Variants in TNR observed in about 807,000 individuals in gnomAD.
TNR encodes the protein tenascin R, also known as tenascin-R.
Under a neutral mutation model 150.4 loss-of-function variants are expected in TNR, and 45 were observed. The ratio of observed to expected loss-of-function variants is 0.30; its 90% CI spans 0.24 to 0.38. TNR has a LOEUF of 0.38. TNR is among the 10% of genes least tolerant of loss of function. The probability of loss-of-function intolerance (pLI) is 1.00; values close to 1 mark genes in which losing one functional copy is unlikely to be tolerated. For synonymous variants in TNR, 687 were observed against 678.4 expected (o/e 1.01, Z -0.20); for missense variants, 1,544 against 1,759.1 (o/e 0.88, Z 2.19).
chr1:175,729,044 A>C (rs1343018692), intron 1 of TNR, among the ~76,000 whole-genome samples: 2 of 152,154 alleles, frequency 1.3e-5, no homozygotes, highest in Non-Finnish European at 2.9e-5. Flanking sequence ...GGCCTGAGAC[A>C]CATCTTGGTG....
intron 1 of TNR, among the ~76,000 whole-genome samples, chr1:175,725,972 AG>A (rs1224280133): frequency 6.6e-6 from 1 of 152,226 alleles, no homozygotes; most frequent in African/African-American, 2.4e-5. Context: ...AGGAAGCATT[AG>A]AGGTGCCAAG....
chr1:175,548,564 T>C (rs1660807075), intron 1 of TNR, among the ~76,000 whole-genome samples: 2 of 151,862 alleles, frequency 1.3e-5, no homozygotes, highest in Non-Finnish European at 2.9e-5. Context: ...CTCCCTGTAA[T>C]CTAAGACCAA....
At chr1:175,486,496 G>A (rs1658022922) in intron 2 of TNR, among the ~76,000 whole-genome samples, 1 of 152,160 alleles carries the variant, frequency 6.6e-6, no homozygotes, top group African/African-American at 2.4e-5. Context: ...TGGTGTATAT[G>A]TGCCACATTT....
At chr1:175,324,217 G>C in intron 22 of TNR, 139 bp downstream of exon 22, 4 of 993,162 alleles carry the variant, frequency 4.0e-6, no homozygotes, top group South Asian at 1.7e-5. Context: ...CCCATTGTCT[G>C]CATTATTTTT....
chr1:175,437,527 C>T (rs1655564567), intron 2 of TNR, among the ~76,000 whole-genome samples: 1 of 152,122 alleles, frequency 6.6e-6, no homozygotes, highest in African/African-American at 2.4e-5. Context: ...TAACTAAGAT[C>T]AGAGCAGAAC....
At chr1:175,653,322 A>G (rs938272248) in intron 1 of TNR, among the ~76,000 whole-genome samples, 2 of 152,242 alleles carry the variant, frequency 1.3e-5, no homozygotes, top group African/African-American at 4.8e-5. Context: ...CACAGTGAGA[A>G]GCAGTGTTTA....
At chr1:175,415,446 G>A (rs1382305487) in intron 2 of TNR, among the ~76,000 whole-genome samples, 2 of 152,226 alleles carry the variant, frequency 1.3e-5, no homozygotes, top group Non-Finnish European at 2.9e-5. Context: ...GACATGGAAT[G>A]GTGTGGGAGG....
At chr1:175,351,571 T>C (rs1285088346) in intron 18 of TNR, among the ~76,000 whole-genome samples, 1 of 152,238 alleles carries the variant, frequency 6.6e-6, no homozygotes. Context: ...GACTATTCAA[T>C]TTAACCAGTG....
chr1:175,399,794 G>T (rs1653612224), intron 4 of TNR, among the ~76,000 whole-genome samples: 1 of 152,166 alleles, frequency 6.6e-6, no homozygotes. Flanking sequence ...AGGAATCAGG[G>T]TTGCTTATCT....
chr1:175,549,979 T>C (rs1660872435), intron 1 of TNR, among the ~76,000 whole-genome samples: 1 of 152,210 alleles, frequency 6.6e-6, no homozygotes, highest in Non-Finnish European at 1.5e-5. Context: ...CTGCTATTTT[T>C]GTGATAATTT....
rs139092076 is a variant in TNR at position 175,369,301 on chromosome 1, C to T, written c.1964-2004G>A. Among the ~76,000 whole-genome samples, 130 of 152,210 alleles carry T rather than the reference C, an allele frequency of 8.5e-4. 2 individuals are homozygous for T. Among genetic ancestry groups the T allele is most frequent in the African/African-American group, 2.9e-3 (121 of 41,524 alleles). On this transcript the variant is annotated intron_variant, in intron 9 of 22. Transcript: ENST00000367674. ...CCCACGGTTCTGAAGTCTGGAAGTC[C>T]GAAATCAAGGTGTCGCCAGGACCAT...
intron 5 of TNR, among the ~76,000 whole-genome samples, chr1:175,394,531 C>A (rs116617432): frequency 2.0e-5 from 3 of 152,158 alleles, no homozygotes; most frequent in Non-Finnish European, 4.4e-5. Context: ...CCCTTCTCCC[C>A]CAACCACACA....
chr1:175,580,077 A>T (rs1346429509), intron 1 of TNR, among the ~76,000 whole-genome samples: 2 of 152,274 alleles, frequency 1.3e-5, no homozygotes, highest in Admixed American at 1.3e-4. Context: ...ACATCTAGAC[A>T]TTTGATTCGG....
intron 2 of TNR, among the ~76,000 whole-genome samples, chr1:175,428,186 G>A (rs958364640): frequency 3.9e-5 from 6 of 152,106 alleles, no homozygotes; most frequent in Admixed American, 2.0e-4. Context: ...GGCATCTAAG[G>A]GAATTTTTAG....
At position 175,514,800 on chromosome 1, in the gene TNR, C is replaced by T. The variant is rs116140948; in HGVS notation, c.-64+13469G>A. On this transcript the variant is annotated intron_variant, in intron 2 of 22. Coordinates refer to ENST00000367674, the MANE Select transcript of TNR (RefSeq NM_003285.3). ...CACAGCATGATAAATGCCAGGCGAC[C>T]ACAGCTCTGTGAAAACCAAATGCAG... 2.1e-3 allele frequency among the ~76,000 whole-genome samples: 317 copies of T among 152,312 alleles called. 1 individual carries two copies. Among genetic ancestry groups the T allele is most frequent in the African/African-American group, 7.3e-3 (302 of 41,568 alleles).
intron 20 of TNR, among the ~76,000 whole-genome samples, chr1:175,335,011 G>C (rs1650160775): frequency 6.6e-6 from 1 of 152,146 alleles, no homozygotes; most frequent in South Asian, 2.1e-4. Context: ...TAGTGGCAGG[G>C]AAGACAGAGA....
rs60374507 is a variant in TNR at position 175,386,780 on chromosome 1, A to AGAT, written c.1508-482_1508-480dup. ...AAAGAGGTCATCATGAGTATTCAAA[A>AGAT]GATGTCCCTGCTCAGCCACTCTAAC... On this transcript the variant is annotated intron_variant, in intron 7 of 22. Coordinates refer to ENST00000367674, the MANE Select transcript of TNR (RefSeq NM_003285.3). 2.7e-3 allele frequency among the ~76,000 whole-genome samples: 418 copies of AGAT among 152,332 alleles called. 1 individual carries two copies. Among genetic ancestry groups the AGAT allele is most frequent in the African/African-American group, 9.7e-3 (405 of 41,572 alleles).
chr1:175,366,811 C>T (rs903169306), intron 10 of TNR, among the ~76,000 whole-genome samples: 2 of 152,256 alleles, frequency 1.3e-5, no homozygotes, highest in Non-Finnish European at 2.9e-5. Flanking sequence ...CAAGTCTAGA[C>T]CTTCACCCAA....
chr1:175,620,403 G>T (rs1663930444), intron 1 of TNR, among the ~76,000 whole-genome samples: 1 of 152,182 alleles, frequency 6.6e-6, no homozygotes. Context: ...TGGAGTATTG[G>T]TAGGAAAATT....
Sources: gnomAD v4.1 joint callset for allele counts (sites outside exome capture counted in the v4.1 genomes callset) on GRCh38, gnomAD v4.1.1 for gene constraint, MANE v1.5 for transcripts, NCBI Gene and HGNC (gene_info 2026-07-23, HGNC 2026-07-21) for gene names.